Variants in THSD7B observed in about 807,000 individuals in gnomAD.
THSD7B encodes the protein thrombospondin type 1 domain containing 7B, also known as thrombospondin type-1 domain-containing protein 7B.
A neutral mutation model predicts 213.6 loss-of-function variants in THSD7B; 138 were observed. That is an observed-to-expected ratio of 0.65 (90% confidence interval 0.56 to 0.74). The LOEUF (loss-of-function observed/expected upper bound fraction) is 0.74. THSD7B is among the 30% of genes least tolerant of loss of function. The probability of loss-of-function intolerance (pLI) is 0.00; values close to 1 mark genes in which losing one functional copy is unlikely to be tolerated. For synonymous variants in THSD7B, 742 were observed against 687.0 expected (o/e 1.08, Z -1.25); for missense variants, 1,931 against 1,991.5 (o/e 0.97, Z 0.58).
chr2:137,465,161 T>C (rs1010098752), intron 15 of THSD7B, among the ~76,000 whole-genome samples: 7 of 151,952 alleles, frequency 4.6e-5, no homozygotes, highest in African/African-American at 1.4e-4. Context: ...CTACCAAGTA[T>C]AGTTTTGTTT....
intron 1 of THSD7B, among the ~76,000 whole-genome samples, chr2:136,859,574 G>A (rs569219049): frequency 1.6e-4 from 25 of 152,258 alleles, no homozygotes; most frequent in African/African-American, 6.0e-4. Context: ...AAGGAAGAGC[G>A]AGTGGCAGTG....
chr2:137,590,216 A>C (rs1681833609), intron 17 of THSD7B, among the ~76,000 whole-genome samples: 1 of 152,188 alleles, frequency 6.6e-6, no homozygotes, highest in African/African-American at 2.4e-5. Context: ...TACTTGTCCA[A>C]GCATTTTAAT....
intron 5 of THSD7B, among the ~76,000 whole-genome samples, chr2:137,146,289 G>A (rs572906628): frequency 6.6e-6 from 1 of 152,168 alleles, no homozygotes; most frequent in South Asian, 2.1e-4. Context: ...GTGCTGAGAT[G>A]CACTGTAGTC....
chr2:137,302,113 T>G (rs959664007), intron 12 of THSD7B, among the ~76,000 whole-genome samples: 1 of 151,984 alleles, frequency 6.6e-6, no homozygotes, highest in Non-Finnish European at 1.5e-5. Flanking sequence ...GCCCTATAAA[T>G]GTTATGAGGG....
At chr2:137,378,610 C>A (rs1353935954) in intron 12 of THSD7B, among the ~76,000 whole-genome samples, 29 of 152,146 alleles carry the variant, frequency 1.9e-4, no homozygotes. Flanking sequence ...TTCTTTCTTC[C>A]TTGGACTTAG....
chr2:136,779,885 T>G (rs557159648), intron 1 of THSD7B, among the ~76,000 whole-genome samples: 2 of 152,290 alleles, frequency 1.3e-5, no homozygotes, highest in Non-Finnish European at 2.9e-5. Context: ...AGGTCCAGCC[T>G]GCTGAGAAAG....
intron 1 of THSD7B, among the ~76,000 whole-genome samples, chr2:136,844,478 G>GAGAGAGAGAGAT (rs1286637279): frequency 6.7e-6 from 1 of 149,118 alleles, no homozygotes; most frequent in Non-Finnish European, 1.5e-5. Flanking sequence ...GAGAGAGAGA[G>GAGAGAGAGAGAT]AGAGAGAGAG....
At chr2:136,780,221 G>A (rs552164450) in intron 1 of THSD7B, among the ~76,000 whole-genome samples, 20 of 152,242 alleles carry the variant, frequency 1.3e-4, no homozygotes, top group Admixed American at 1.2e-3. Context: ...TTCCAAGAAT[G>A]GTGCCTCATT....
At position 137,662,406 on chromosome 2, in the gene THSD7B, A is replaced by G. The variant is rs1440136062; in HGVS notation, c.4459-977A>G. 2.0e-5 allele frequency among the ~76,000 whole-genome samples: 3 copies of G among 151,564 alleles called. No homozygotes were observed. The East Asian group carries it at 5.8e-4, about 30-fold the overall frequency. On this transcript the variant is annotated intron_variant, in intron 25 of 27. Transcript: ENST00000409968. ...CCAGGTGTTTTCTATCTTTTGGGAG[A>G]CTGCCTTTCCCTCGTGCTCGCTGCA...
rs940372083 is a variant in THSD7B at position 137,541,305 on chromosome 2, GA to G, written c.3139-21905del. ...CTTTAACAAAAAATTATGACACATG[GA>G]AAAAAAAAAATATGGTCCAAAAACA... On this transcript the variant is annotated intron_variant, in intron 15 of 27. Transcript: ENST00000409968. 1.1e-3 allele frequency among the ~76,000 whole-genome samples: 163 copies of G among 148,912 alleles called. No individual in the cohort carries two copies. The East Asian group carries it at 0.014, about 13-fold the overall frequency.
At chr2:137,331,980 G>A (rs546406641) in intron 12 of THSD7B, among the ~76,000 whole-genome samples, 70 of 152,104 alleles carry the variant, frequency 4.6e-4, no homozygotes, top group Non-Finnish European at 7.6e-4. Flanking sequence ...GTTCCCACTC[G>A]CGCCTCTCCC....
intron 3 of THSD7B, among the ~76,000 whole-genome samples, chr2:137,078,891 C>T (rs1234883654): frequency 6.6e-6 from 1 of 151,962 alleles, no homozygotes; most frequent in African/African-American, 2.4e-5. Context: ...ATTTTAATTT[C>T]CAGATAGAAA....
chr2:136,798,102 T>A (rs1682106585), intron 1 of THSD7B, among the ~76,000 whole-genome samples: 1 of 151,904 alleles, frequency 6.6e-6, no homozygotes, highest in East Asian at 1.9e-4. Flanking sequence ...CAATCAAGGA[T>A]GCCTGTTGGT....
At chr2:137,397,389 G>C (rs555811731) in intron 12 of THSD7B, among the ~76,000 whole-genome samples, 3 of 152,164 alleles carry the variant, frequency 2.0e-5, no homozygotes, top group South Asian at 4.2e-4. Context: ...GCATTTGCTT[G>C]TCTGTAAAGG....
At chr2:137,259,224 T>C (rs1388431745) in intron 10 of THSD7B, among the ~76,000 whole-genome samples, 1 of 152,200 alleles carries the variant, frequency 6.6e-6, no homozygotes, top group Non-Finnish European at 1.5e-5. Flanking sequence ...GTGGGTCAAA[T>C]GGTATTTCTG....
At chr2:136,901,573 C>G (rs1206519288) in intron 2 of THSD7B, among the ~76,000 whole-genome samples, 2 of 152,190 alleles carry the variant, frequency 1.3e-5, no homozygotes, top group Non-Finnish European at 2.9e-5. Context: ...TATTTAAACA[C>G]TCCTCACTGC....
chr2:136,831,146 T>TA (rs1682747939), intron 1 of THSD7B, among the ~76,000 whole-genome samples: 1 of 150,174 alleles, frequency 6.7e-6, no homozygotes, highest in Non-Finnish European at 1.5e-5. Context: ...TTTTTTTTTT[T>TA]AGCCATATTC....
intron 3 of THSD7B, among the ~76,000 whole-genome samples, chr2:137,074,199 A>C (rs1687566119): frequency 6.6e-6 from 1 of 151,924 alleles, no homozygotes; most frequent in Non-Finnish European, 1.5e-5. Context: ...AAAGTCTCCC[A>C]TTATTAATGT....
chr2:137,057,183 C>A lies in THSD7B; in HGVS notation c.903C>A (p.Thr301=). ...GGGCAATAGAGATAGGTTATCAAAC[C>A]CGGCAGGTTTCGTGTACAAGAAGTG... The part of the protein sequence containing the change: ...KSWAIEIGYQ[T]RQVSCTRSDG... The change falls in exon 3 of 28, where the codon ACC becomes ACA. Residue 301 remains threonine, a synonymous_variant. Coordinates refer to ENST00000409968, the MANE Select transcript of THSD7B (RefSeq NM_001316349.2). 6.2e-7 allele frequency: 1 copy of A among 1,613,766 alleles called. No homozygotes were observed. The highest frequency in any genetic ancestry group is 8.5e-7 in the Non-Finnish European group (1 of 1,179,824).
Sources: allele counts gnomAD v4.1 joint callset (sites outside exome capture counted in the v4.1 genomes callset), GRCh38; gene constraint gnomAD v4.1.1; transcripts MANE v1.5; gene names NCBI Gene and HGNC (gene_info 2026-07-23, HGNC 2026-07-21).